Variants in PCDHA7 observed in about 807,000 individuals in gnomAD.
PCDHA7 encodes protocadherin alpha-7.
Under a neutral mutation model 57.2 loss-of-function variants are expected in PCDHA7, and 37 were observed. The observed-to-expected ratio is 0.65, with a 90% CI of 0.50 to 0.85. The LOEUF is 0.85. PCDHA7 is among the 40% of genes least tolerant of loss of function. The pLI is 0.00. For missense variants in PCDHA7, 1,188 were observed against 1,241.8 expected (o/e 0.96, Z 0.65); for synonymous variants, 553 against 558.8 (o/e 0.99, Z 0.15).
At chr5:140,923,134 G>C (rs962370475) in intron 1 of PCDHA7, among the ~76,000 whole-genome samples, 2 of 152,106 alleles carry the variant, frequency 1.3e-5, no homozygotes, top group Non-Finnish European at 1.5e-5. Flanking sequence ...CACTTTGAAG[G>C]TGGAATATAA....
chr5:140,881,505 CACAT>C (rs2058738073), intron 1 of PCDHA7: 1 of 242,822 alleles, frequency 4.1e-6, no homozygotes, highest in African/African-American at 2.3e-5. Flanking sequence ...TACACACACT[CACAT>C]ACAAAATCCC....
chr5:140,917,164 G>C (rs155804), intron 1 of PCDHA7, among the ~76,000 whole-genome samples: 48,022 of 151,994 alleles, frequency 0.32, 7,940 homozygotes, highest in East Asian at 0.52. Context: ...TATGGGAGGG[G>C]TGATGGTGGT....
rs139807581 is a variant in PCDHA7, at chr5:140,835,502, C to T, written c.1119C>T (p.Ser373=). ...CAGGTACCGTCATCACATTGATTAG[C>T]GTGTTTGACCGAGATTTTGGAGTCA... is the stretch of plus-strand genomic sequence containing the variant. The part of the protein sequence containing the change: ...AQPGTVITLI[S]VFDRDFGVNG... The change falls in exon 1 of 4, where the codon AGC becomes AGT. Residue 373 remains serine (S), a synonymous_variant. Transcript: ENST00000525929. 113 of 1,613,806 alleles carry T rather than the reference C, an allele frequency of 7.0e-5. 1 individual carries two copies. Among genetic ancestry groups the T allele is most frequent in the Non-Finnish European group, 8.7e-5 (103 of 1,179,880 alleles).
At chr5:140,873,221 G>A (rs2054166323) in intron 1 of PCDHA7, among the ~76,000 whole-genome samples, 1 of 151,940 alleles carries the variant, frequency 6.6e-6, no homozygotes, top group African/African-American at 2.4e-5. Context: ...TTAAAGAGAA[G>A]GCAACAATAT....
chr5:140,985,902 T>G (rs1026675848), intron 3 of PCDHA7, among the ~76,000 whole-genome samples: 2 of 151,212 alleles, frequency 1.3e-5, no homozygotes, highest in Non-Finnish European at 2.9e-5. Flanking sequence ...ACCACTCCCG[T>G]CTAATTTTTT....
At chr5:141,004,919 T>A (rs144687292) in intron 3 of PCDHA7, among the ~76,000 whole-genome samples, 2 of 152,264 alleles carry the variant, frequency 1.3e-5, no homozygotes, top group East Asian at 3.9e-4. Flanking sequence ...GGAAAAGGGT[T>A]TGGAAGAGAG....
chr5:140,861,565 T>C (rs1191527978), intron 1 of PCDHA7: 2 of 376,886 alleles, frequency 5.3e-6, no homozygotes, highest in South Asian at 4.9e-5. Flanking sequence ...GTGGACAAGC[T>C]GCTACAGGTT....
chr5:141,007,079 TAGAGA>T (rs1308407580), intron 3 of PCDHA7, among the ~76,000 whole-genome samples: 1 of 151,804 alleles, frequency 6.6e-6, no homozygotes, highest in African/African-American at 2.4e-5. Flanking sequence ...GAAGAGAAAA[TAGAGA>T]AGAGAGTCTA....
chr5:140,991,149 C>T (rs2097435018), intron 3 of PCDHA7, among the ~76,000 whole-genome samples: 1 of 152,092 alleles, frequency 6.6e-6, no homozygotes, highest in South Asian at 2.1e-4. Flanking sequence ...GTTTTTTGCT[C>T]ACCATTGTAT....
In PCDHA7 at chr5:140,950,226, T is replaced by A. The variant is rs1478539445; in HGVS notation, c.2356-28723T>A. ...TGTTTACCTAGTCATTTACCATTTC[T>A]AGTGCCATTAATTTGTTCCTAAAGA... On this transcript the variant is annotated intron_variant, in intron 1 of 3. Coordinates refer to ENST00000525929, the MANE Select transcript of PCDHA7 (RefSeq NM_018910.3). 5.9e-5 allele frequency among the ~76,000 whole-genome samples: 9 copies of A among 152,018 alleles called. No homozygotes were observed. The East Asian group carries it at 1.7e-3, about 29-fold the overall frequency.
chr5:140,897,720 G>A (rs1457512042), intron 1 of PCDHA7, among the ~76,000 whole-genome samples: 1 of 152,086 alleles, frequency 6.6e-6, no homozygotes, highest in Non-Finnish European at 1.5e-5. Context: ...GGGATGGCTG[G>A]GTCAAATAGT....
intron 1 of PCDHA7, chr5:140,856,524 CG>C (rs2044059008): frequency 6.3e-7 from 1 of 1,598,296 alleles, no homozygotes; most frequent in African/African-American, 1.3e-5. Flanking sequence ...GCATCTGATG[CG>C]GATGTTGGAG....
chr5:140,910,514 T>C (rs1246361505), intron 1 of PCDHA7, among the ~76,000 whole-genome samples: 1 of 152,218 alleles, frequency 6.6e-6, no homozygotes, highest in African/African-American at 2.4e-5. Flanking sequence ...TCTTCAAGGA[T>C]GCAGGTACTC....
intron 1 of PCDHA7, among the ~76,000 whole-genome samples, chr5:140,855,676 T>G (rs1325964352): frequency 1.3e-5 from 2 of 149,550 alleles, no homozygotes; most frequent in Non-Finnish European, 3.0e-5. Context: ...ACTCTGAGAG[T>G]CTACATTTAA....
At chr5:140,959,815 C>T (rs1239999748) in intron 1 of PCDHA7, among the ~76,000 whole-genome samples, 1 of 151,920 alleles carries the variant, frequency 6.6e-6, no homozygotes, top group Non-Finnish European at 1.5e-5. Context: ...TATATTTTAC[C>T]CACATGATAA....
At chr5:140,867,411 AT>A (rs2049946393) in intron 1 of PCDHA7, 2 of 152,130 alleles carry the variant, frequency 1.3e-5, no homozygotes, top group South Asian at 2.1e-4. Context: ...GTCTCCTTTA[AT>A]TTTTTAATAC....
intron 1 of PCDHA7, among the ~76,000 whole-genome samples, chr5:140,839,582 G>A (rs965029185): frequency 6.6e-6 from 1 of 151,908 alleles, no homozygotes; most frequent in African/African-American, 2.4e-5. Flanking sequence ...TAGAGATGGG[G>A]TCTTACCATG....
At chr5:140,876,957 G>T (rs2056730695) in intron 1 of PCDHA7, 7 of 1,613,178 alleles carry the variant, frequency 4.3e-6, no homozygotes, top group Non-Finnish European at 5.9e-6. Context: ...ACTCGCTGGT[G>T]GAGCGGCGGG....
intron 1 of PCDHA7, among the ~76,000 whole-genome samples, chr5:140,907,719 C>A (rs2153502555): frequency 1.3e-5 from 2 of 152,330 alleles, no homozygotes; most frequent in South Asian, 4.1e-4. Flanking sequence ...CCATGTGTAA[C>A]CTCCATCCCT....
Sources: gnomAD v4.1 joint callset for allele counts (sites outside exome capture counted in the v4.1 genomes callset) on GRCh38, gnomAD v4.1.1 for gene constraint, MANE v1.5 for transcripts, NCBI Gene and HGNC (gene_info 2026-07-23, HGNC 2026-07-21) for gene names.